Variants in RSU1 observed in about 807,000 individuals in gnomAD.
The protein encoded by RSU1 is Ras suppressor protein 1, also known as rsu-1.
Under a neutral mutation model 31.1 loss-of-function variants are expected in RSU1, and 26 were observed. The ratio of observed to expected loss-of-function variants is 0.84; its 90% CI spans 0.61 to 1.16. The LOEUF (loss-of-function observed/expected upper bound fraction) is 1.16. Among genes scored for constraint, RSU1 ranks in the 50% most tolerant of loss-of-function variants. RSU1 has a pLI of 0.00. For missense variants in RSU1, 320 were observed against 339.1 expected (o/e 0.94, Z 0.44); for synonymous variants, 164 against 136.3 (o/e 1.20, Z -1.41).
intron 8 of RSU1, among the ~76,000 whole-genome samples, chr10:16,685,213 G>A (rs889708232): frequency 1.3e-5 from 2 of 152,160 alleles, no homozygotes; most frequent in Admixed American, 6.5e-5. Flanking sequence ...TCGCACCACC[G>A]CACTCCAGCC....
intron 7 of RSU1, among the ~76,000 whole-genome samples, chr10:16,719,724 G>C (rs1394486304): frequency 6.6e-6 from 1 of 152,192 alleles, no homozygotes; most frequent in Non-Finnish European, 1.5e-5. Context: ...TGGTGATGAC[G>C]CCTTCTCTAA....
intron 3 of RSU1, among the ~76,000 whole-genome samples, chr10:16,779,718 G>A (rs1048548236): frequency 6.6e-6 from 1 of 152,178 alleles, no homozygotes; most frequent in Non-Finnish European, 1.5e-5. Context: ...GAAAGACACT[G>A]ATTACCATAA....
chr10:16,593,276 A>G lies in RSU1; in HGVS notation c.*118T>C. 3 of 1,501,226 alleles carry G rather than the reference A, an allele frequency of 2.0e-6. No individual in the cohort carries two copies. The highest frequency in any genetic ancestry group is 2.7e-5 in the South Asian group (2 of 74,394). The allele number at this position is 1,501,226 out of a possible 1,614,324, so 93.0% of individuals were successfully genotyped here. ...GTGGGAAGCATTAGAAAGAGAGTGA[A>G]AAGAAAAATAAAAAAGGCCTCACAC... On this transcript the variant is annotated 3_prime_UTR_variant, in exon 9 of 9. Transcript: ENST00000345264.
rs11254142 is a variant in RSU1, at chr10:16,687,577, G to C, written c.731+7446C>G. 6.6e-4 allele frequency among the ~76,000 whole-genome samples: 100 copies of C among 152,262 alleles called. No homozygotes were observed. In the East Asian group the frequency reaches 0.017, roughly 26 times the overall value. On this transcript the variant is annotated intron_variant, in intron 8 of 8. Transcript: ENST00000345264. ...GCAATCTATCACAACATTTGGAAGA[G>C]AGTAAGAACTTACGTATTCTTCCTT... is the stretch of plus-strand genomic sequence containing the variant.
intron 2 of RSU1, among the ~76,000 whole-genome samples, chr10:16,793,836 C>T (rs1418012951): frequency 6.6e-6 from 1 of 151,134 alleles, no homozygotes; most frequent in Admixed American, 6.6e-5. Flanking sequence ...TGTTATTTGT[C>T]AACTTGACTG....
intron 7 of RSU1, among the ~76,000 whole-genome samples, chr10:16,735,190 T>C (rs1175540134): frequency 1.3e-5 from 2 of 152,126 alleles, no homozygotes; most frequent in African/African-American, 4.8e-5. Flanking sequence ...ACAGATAAGT[T>C]AAAAAGCAAT....
rs1564357254 is a variant in RSU1, at chr10:16,785,433, T to TATATATACACATATATACATATATAC, written c.110-3375_110-3350dup. On this transcript the variant is annotated intron_variant, in intron 2 of 8. Transcript: ENST00000345264. Reference sequence around the variant, plus strand: ...ATATATATATACATATATACATATATATATATACACATATATACATATATA... The same window carrying TATATATACACATATATACATATATAC: ...ATATATATATACATATATACATATATATATATACACATATATACATATATACATATATACACATATATACATATATA... Among the ~76,000 whole-genome samples the TATATATACACATATATACATATATAC allele has an allele frequency of 6.6e-4, 94 of 143,320 alleles. 4 individuals are homozygous for TATATATACACATATATACATATATAC. The highest frequency in any genetic ancestry group is 2.3e-3 in the African/African-American group (88 of 37,728). The allele number at this position is 143,320 out of a possible 152,430, so 94.0% of individuals were successfully genotyped here. A position where few individuals can be genotyped will look rare whatever the true frequency, so the allele number is the denominator to read the frequency against.
In RSU1 at chr10:16,817,031, C is replaced by T; in HGVS notation, c.51G>A (p.Gln17=). The change falls in exon 2 of 9, where the codon CAG becomes CAA. Residue 17 remains glutamine, a synonymous_variant. Coordinates refer to ENST00000345264, the MANE Select transcript of RSU1 (RefSeq NM_012425.4). ...CCCGGTCACTCATGTCCACCTCGGG[C>T]TGGTTCTTCTCCCGGCTCTCCTCCA... is the stretch of plus-strand genomic sequence containing the variant. ...KLVEESREKN[Q]PEVDMSDRGI... 1 of 1,614,252 alleles carries T rather than the reference C, an allele frequency of 6.2e-7. No individual in the cohort carries two copies. Among genetic ancestry groups the T allele is most frequent in the Non-Finnish European group, 8.5e-7 (1 of 1,180,038 alleles).
chr10:16,720,640 ACTCTT>A (rs1836238123), intron 7 of RSU1, among the ~76,000 whole-genome samples: 1 of 152,220 alleles, frequency 6.6e-6, no homozygotes, highest in Non-Finnish European at 1.5e-5. Context: ...TAAGTATACT[ACTCTT>A]AAGGAATGCA....
chr10:16,649,831 G>T (rs1000960275), intron 8 of RSU1, among the ~76,000 whole-genome samples: 22 of 152,028 alleles, frequency 1.4e-4, no homozygotes, highest in African/African-American at 9.7e-5. Context: ...TTTAATTTTT[G>T]GGGGAAAAAA....
At chr10:16,805,569 G>C (rs12263194) in intron 2 of RSU1, among the ~76,000 whole-genome samples, 1,831 of 150,978 alleles carry the variant, frequency 0.012, 32 homozygotes, top group African/African-American at 0.042. Context: ...CCAGTTACTC[G>C]GGAGGCTGAG....
intron 2 of RSU1, among the ~76,000 whole-genome samples, chr10:16,785,632 C>A (rs372269273): frequency 3.0e-4 from 45 of 150,260 alleles, no homozygotes; most frequent in African/African-American, 9.6e-4. Flanking sequence ...CAGGCCCCAC[C>A]TCCAACACTG....
At chr10:16,659,411 C>T (rs182271325) in intron 8 of RSU1, among the ~76,000 whole-genome samples, 8 of 150,748 alleles carry the variant, frequency 5.3e-5, no homozygotes, top group Admixed American at 2.7e-4. Flanking sequence ...TACCTGGAAC[C>T]GATTTTTTGT....
At chr10:16,774,767 A>G (rs185529300) in intron 3 of RSU1, among the ~76,000 whole-genome samples, 146 of 152,346 alleles carry the variant, frequency 9.6e-4, no homozygotes, top group Non-Finnish European at 1.7e-3. Context: ...TCAGGGTTGT[A>G]GTTTTCACTC....
chr10:16,695,852 G>A (rs1158134956), intron 7 of RSU1, among the ~76,000 whole-genome samples: 1 of 152,196 alleles, frequency 6.6e-6, no homozygotes, highest in Non-Finnish European at 1.5e-5. Flanking sequence ...TCAAGCTGAT[G>A]CTCAATCTCA....
intron 7 of RSU1, among the ~76,000 whole-genome samples, chr10:16,696,412 C>T (rs549972196): frequency 1.3e-5 from 2 of 151,346 alleles, no homozygotes; most frequent in Middle Eastern, 6.8e-3. Context: ...TGCAATATTG[C>T]TTGTTAAAAC....
At chr10:16,809,328 T>C (rs988282634) in intron 2 of RSU1, among the ~76,000 whole-genome samples, 1 of 152,192 alleles carries the variant, frequency 6.6e-6, no homozygotes, top group Non-Finnish European at 1.5e-5. Flanking sequence ...GACTGTAACA[T>C]ACGTGAGATT....
intron 7 of RSU1, among the ~76,000 whole-genome samples, chr10:16,709,565 C>A (rs921454211): frequency 6.6e-6 from 1 of 152,186 alleles, no homozygotes; most frequent in Admixed American, 6.5e-5. Context: ...CCTGAGGAAT[C>A]CCCACACTGA....
chr10:16,808,198 C>G (rs1838317171), intron 2 of RSU1, among the ~76,000 whole-genome samples: 1 of 152,024 alleles, frequency 6.6e-6, no homozygotes, highest in Non-Finnish European at 1.5e-5. Context: ...TGAACTCCAA[C>G]CGGGCGCAGT....
Sources: allele counts gnomAD v4.1 joint callset (sites outside exome capture counted in the v4.1 genomes callset), GRCh38; gene constraint gnomAD v4.1.1; transcripts MANE v1.5; gene names NCBI Gene and HGNC (gene_info 2026-07-23, HGNC 2026-07-21).